The following ZNF605 variants were observed in gnomAD, a reference collection of about 807,000 sequenced individuals.
ZNF605 encodes zinc finger protein 605.
A neutral mutation model predicts 7.9 loss-of-function variants in ZNF605; 9 were observed. The observed-to-expected ratio is 1.14, with a 90% CI of 0.68 to 1.98. The LOEUF is 1.98. Among genes scored for constraint, ZNF605 ranks in the 30% most tolerant of loss-of-function variants. The probability of loss-of-function intolerance (pLI) is 0.00; values close to 1 mark genes in which losing one functional copy is unlikely to be tolerated. For missense variants in ZNF605, 673 were observed against 762.4 expected (o/e 0.88, Z 1.38); for synonymous variants, 255 against 260.1 (o/e 0.98, Z 0.19).
chr12:132,949,974 G>A (rs1010330753), intron 1 of ZNF605, among the ~76,000 whole-genome samples: 4 of 152,202 alleles, frequency 2.6e-5, no homozygotes, highest in East Asian at 3.9e-4. Context: ...CATCCTGGAA[G>A]AGCCCAGAGA....
intron 1 of ZNF605, among the ~76,000 whole-genome samples, chr12:132,949,091 CA>C (rs1276842333): frequency 2.2e-5 from 1 of 45,526 alleles, no homozygotes; most frequent in Non-Finnish European, 6.1e-5. Flanking sequence ...TGGAAAGCCA[CA>C]AGAGGCCTCT....
chr12:132,930,351 G>C (rs2137129724), intron 4 of ZNF605, among the ~76,000 whole-genome samples: 1 of 152,266 alleles, frequency 6.6e-6, no homozygotes, highest in South Asian at 2.1e-4. Context: ...ATGTCATTCT[G>C]ATGGCACACC....
chr12:132,950,564 TCACA>T (rs1261854987), intron 1 of ZNF605, among the ~76,000 whole-genome samples: 11 of 145,650 alleles, frequency 7.6e-5, no homozygotes, highest in Admixed American at 3.4e-4. Context: ...CACCCGTACA[TCACA>T]CACAGACGTG....
intron 1 of ZNF605, 169 bp from the exon 2 acceptor site, chr12:132,948,439 C>T (rs1952518232): frequency 6.6e-6 from 1 of 152,276 alleles, no homozygotes; most frequent in Non-Finnish European, 1.5e-5. Flanking sequence ...AGCTCTGAAG[C>T]TCCCAGGGCT....
chr12:132,929,818 G>A (rs1220987785), intron 4 of ZNF605, among the ~76,000 whole-genome samples: 4 of 152,002 alleles, frequency 2.6e-5, no homozygotes, highest in African/African-American at 4.8e-5. Flanking sequence ...GGTGGTGTGC[G>A]CCTGTAATCC....
At chr12:132,930,875 C>T (rs75758741) in intron 4 of ZNF605, among the ~76,000 whole-genome samples, 1 of 152,036 alleles carries the variant, frequency 6.6e-6, no homozygotes, top group South Asian at 2.1e-4. Context: ...GTGCATTATG[C>T]CTCACCCCTG....
chr12:132,930,463 G>C (rs1469799629), intron 4 of ZNF605, among the ~76,000 whole-genome samples: 1 of 152,122 alleles, frequency 6.6e-6, no homozygotes, highest in Non-Finnish European at 1.5e-5. Flanking sequence ...TGAGTGTAGG[G>C]AACAGGTTTG....
Position 132,926,277 on chromosome 12 carries a change from T to C in ZNF605, c.1022A>G (p.Glu341Gly), listed in dbSNP as rs914283691. The change falls in exon 5 of 5, where the codon GAG becomes GGG. Residue 341 changes from glutamate to glycine, a missense_variant. Transcript: ENST00000360187. ...GTTCCTGCTGAAGGCTTTTTGACAC[T>C]CACCACATCCGTAAGGTTTCTTCCC... ...HTGKKPYGCG[E>G]CQKAFSRNSL... is the part of the protein sequence containing the mutation. 17 of 1,614,150 alleles carry C rather than the reference T, an allele frequency of 1.1e-5. No homozygotes were observed. The African/African-American group carries it at 2.1e-4, about 20-fold the overall frequency.
intron 4 of ZNF605, among the ~76,000 whole-genome samples, chr12:132,930,366 A>G (rs1952295360): frequency 6.6e-6 from 1 of 152,182 alleles, no homozygotes; most frequent in African/African-American, 2.4e-5. Context: ...CACACCAACA[A>G]ATACCCTCTT....
chr12:132,950,852 C>A (rs1952553281), intron 1 of ZNF605, among the ~76,000 whole-genome samples: 2 of 151,338 alleles, frequency 1.3e-5, no homozygotes, highest in South Asian at 4.2e-4. Context: ...CACATACAGA[C>A]ATGTACAGAC....
intron 3 of ZNF605, among the ~76,000 whole-genome samples, chr12:132,938,782 G>A (rs1952395614): frequency 1.3e-5 from 2 of 152,084 alleles, no homozygotes; most frequent in Admixed American, 6.5e-5. Flanking sequence ...CCGGGGCTGT[G>A]TGCGGCGCTT....
intron 3 of ZNF605, among the ~76,000 whole-genome samples, chr12:132,935,353 A>T (rs1205737585): frequency 5.3e-5 from 8 of 152,148 alleles, no homozygotes; most frequent in African/African-American, 1.9e-4. Flanking sequence ...AGAGGTCAAA[A>T]ATTGTCCCTG....
chr12:132,947,091 C>A (rs1413414591), intron 2 of ZNF605, among the ~76,000 whole-genome samples: 2 of 150,696 alleles, frequency 1.3e-5, no homozygotes, highest in African/African-American at 4.9e-5. Flanking sequence ...CGGCTTACTG[C>A]AACCTCCGCC....
chr12:132,929,598 G>A (rs1407418139), intron 4 of ZNF605, among the ~76,000 whole-genome samples: 2 of 151,900 alleles, frequency 1.3e-5, no homozygotes, highest in Non-Finnish European at 2.9e-5. Flanking sequence ...TAAGATGTGG[G>A]AAAAAAGAAA....
At chr12:132,940,547 T>C (rs1295106865) in intron 3 of ZNF605, among the ~76,000 whole-genome samples, 3 of 152,160 alleles carry the variant, frequency 2.0e-5, no homozygotes, top group African/African-American at 7.2e-5. Flanking sequence ...GTCCCATCTA[T>C]GTACACCCCT....
Position 132,925,232 on chromosome 12 carries a change from T to G in ZNF605, c.*141A>C. On this transcript the variant is annotated 3_prime_UTR_variant, in exon 5 of 5. Coordinates refer to ENST00000360187, the MANE Select transcript of ZNF605 (RefSeq NM_183238.4). ...AAAAACTTCTCTTTCTAAATTCTGCTTAGTGACTCTTGACTCCTCAATTCA... is the reference window on the plus strand; with the variant it reads ...AAAAACTTCTCTTTCTAAATTCTGCGTAGTGACTCTTGACTCCTCAATTCA... 5.1e-6 allele frequency: 3 copies of G among 585,954 alleles called. No individual in the cohort carries two copies. The highest frequency in any genetic ancestry group is 8.5e-6 in the Non-Finnish European group (3 of 351,436). 36.3% of individuals were successfully genotyped at this position (585,954 alleles called of 1,614,324 possible).
chr12:132,944,887 A>C (rs1231899491), intron 3 of ZNF605: 4 of 154,700 alleles, frequency 2.6e-5, no homozygotes, highest in African/African-American at 9.6e-5. Context: ...CACGTTAACT[A>C]TTCCTACTTC....
intron 3 of ZNF605, among the ~76,000 whole-genome samples, chr12:132,937,721 C>T (rs903252211): frequency 1.4e-4 from 22 of 152,352 alleles, no homozygotes; most frequent in Admixed American, 1.3e-3. Context: ...TGAAAACTTA[C>T]ATTCACCTGA....
chr12:132,953,640 T>C (rs1198685161), intron 1 of ZNF605, among the ~76,000 whole-genome samples: 2 of 152,082 alleles, frequency 1.3e-5, no homozygotes, highest in East Asian at 1.9e-4. Flanking sequence ...TTGGCCAGGA[T>C]GGTGTGGATC....
Sources: gnomAD v4.1 joint callset for allele counts (sites outside exome capture counted in the v4.1 genomes callset) on GRCh38, gnomAD v4.1.1 for gene constraint, MANE v1.5 for transcripts, NCBI Gene and HGNC (gene_info 2026-07-23, HGNC 2026-07-21) for gene names.